ZNF518B: variants seen among roughly 807,000 people sequenced by gnomAD.
The protein encoded by ZNF518B is zinc finger protein 518B.
Under a neutral mutation model 56.3 loss-of-function variants are expected in ZNF518B, and 23 were observed. That is an observed-to-expected ratio of 0.41 (90% CI 0.29 to 0.58). The LOEUF is 0.58. ZNF518B is among the 20% of genes least tolerant of loss of function. ZNF518B has a pLI of 0.32. For missense variants in ZNF518B, 1,460 were observed against 1,272.1 expected, an observed-to-expected ratio of 1.15 and a Z score of -2.25; for synonymous variants, 529 against 465.9, an observed-to-expected ratio of 1.14 and a Z score of -1.74.
chr4:10,446,598 C>T (rs1017497672), intron 2 of ZNF518B, 59 bp from the exon 3 acceptor site: 2 of 359,476 alleles, frequency 5.6e-6, no homozygotes, highest in African/African-American at 4.1e-5. Flanking sequence ...AAGCTATTAA[C>T]AAACTTATCC....
At chr4:10,447,866 C>G (rs1407984386) in intron 2 of ZNF518B, among the ~76,000 whole-genome samples, 1 of 152,120 alleles carries the variant, frequency 6.6e-6, no homozygotes, top group Non-Finnish European at 1.5e-5. Context: ...CCAGGCTGGT[C>G]TTTAACCCCT....
chr4:10,446,563 G>T, intron 2 of ZNF518B, 24 bp from the exon 3 acceptor site: 1 of 462,228 alleles, frequency 2.2e-6, no homozygotes, highest in Non-Finnish European at 4.0e-6. Flanking sequence ...AAATTATAAA[G>T]CATGATTAAT....
At chr4:10,448,768 G>A (rs757601351) in intron 2 of ZNF518B, among the ~76,000 whole-genome samples, 6 of 152,020 alleles carry the variant, frequency 3.9e-5, no homozygotes, top group Non-Finnish European at 8.8e-5. Flanking sequence ...ACAATACATG[G>A]GCAAAGATAA....
Position 10,442,935 on chromosome 4 carries a change from C to T in ZNF518B, c.*169G>A. 3.3e-6 allele frequency: 2 copies of T among 601,636 alleles called. No homozygotes were observed. Among genetic ancestry groups the T allele is most frequent in the South Asian group, 2.6e-5 (1 of 38,228 alleles). The allele number at this position is 601,636 out of a possible 1,614,324, so 37.3% of individuals were successfully genotyped here. Reference sequence around the variant, plus strand: ...GAGCCTTCAAATACATTCTGGGGTCCAATCACATACTTCAGGTTCAGACTC... The same window carrying T: ...GAGCCTTCAAATACATTCTGGGGTCTAATCACATACTTCAGGTTCAGACTC... On this transcript the variant is annotated 3_prime_UTR_variant, in exon 3 of 3. Transcript: ENST00000326756.
At position 10,440,550 on chromosome 4, in the gene ZNF518B, T is replaced by A. The variant is rs1400246244; in HGVS notation, c.*2554A>T. 6.6e-6 allele frequency: 1 copy of A among 152,632 alleles called. No individual in the cohort carries two copies. The highest frequency in any genetic ancestry group is 1.5e-5 in the Non-Finnish European group (1 of 68,030). 9.5% of individuals were successfully genotyped at this position (152,632 alleles called of 1,614,324 possible). On this transcript the variant is annotated 3_prime_UTR_variant, in exon 3 of 3. Coordinates refer to ENST00000326756, the MANE Select transcript of ZNF518B (RefSeq NM_053042.3). ...TGTACCTACAGGTTAAGCTATCTTC[T>A]AAAGCTCTTTAGGGAGGACAGCTAC...
chr4:10,456,535 G>A (rs1715536766), intron 1 of ZNF518B, among the ~76,000 whole-genome samples: 1 of 152,124 alleles, frequency 6.6e-6, no homozygotes, highest in South Asian at 2.1e-4. Flanking sequence ...GCAGGACCTC[G>A]ATGGACGAGC....
chr4:10,458,539 G>A (rs1715641804), upstream of ZNF518B, among the ~76,000 whole-genome samples: 1 of 152,214 alleles, frequency 6.6e-6, no homozygotes, highest in African/African-American at 2.4e-5. Context: ...TAAAGTATCA[G>A]GAGCTGGGCA....
chr4:10,445,802 T>C lies in ZNF518B; in HGVS notation c.527A>G (p.Glu176Gly), dbSNP rs772004959. The C allele has an allele frequency of 1.2e-6, 2 of 1,614,226 alleles. No individual in the cohort carries two copies. Among genetic ancestry groups the C allele is most frequent in the East Asian group, 2.2e-5 (1 of 44,890 alleles). Reference sequence around the variant, plus strand: ...GTGTTTCACCAAATGCCTCTGAAACTCTCCTTTCGTATACGAAATGTAGCT... The same window carrying C: ...GTGTTTCACCAAATGCCTCTGAAACCCTCCTTTCGTATACGAAATGTAGCT... ...HCSYISYTKG[E>G]FQRHLVKHTG... Residue 176 changes from glutamate (E) to glycine (G), a missense_variant, in exon 3 of 3, where the codon GAG becomes GGG. Coordinates refer to ENST00000326756, the MANE Select transcript of ZNF518B (RefSeq NM_053042.3).
At chr4:10,454,355 G>GT (rs976847353) in intron 2 of ZNF518B, 2 of 152,272 alleles carry the variant, frequency 1.3e-5, no homozygotes, top group Non-Finnish European at 2.9e-5. Context: ...CTGGCATAGT[G>GT]TGAGTACAAT....
intron 2 of ZNF518B, chr4:10,453,348 T>A (rs914495678): frequency 6.6e-6 from 1 of 152,184 alleles, no homozygotes; most frequent in Non-Finnish European, 1.5e-5. Flanking sequence ...AAGGTCTGTA[T>A]CAACATGAGT....
At chr4:10,451,048 G>A (rs1715281481) in intron 2 of ZNF518B, 1 of 152,172 alleles carries the variant, frequency 6.6e-6, no homozygotes, top group Non-Finnish European at 1.5e-5. Flanking sequence ...TCACAGATGT[G>A]CTCTCTGGAC....
At chr4:10,459,447 G>C (rs74795309), upstream of ZNF518B, among the ~76,000 whole-genome samples, 2 of 151,944 alleles carry the variant, frequency 1.3e-5, no homozygotes, top group Non-Finnish European at 2.9e-5. Flanking sequence ...CCTAAATTCC[G>C]TGGATCACTT....
chr4:10,444,547 CTT>C lies in ZNF518B; in HGVS notation c.1780_1781del (p.Lys594GlufsTer2). ...STVGQISSQH[K>X]SEYLHINITG... is the part of the protein sequence containing the mutation. Reference sequence around the variant, plus strand: ...TTATGTTTATATGTAAATACTCACTCTTATGTTGAGAGGAAATCTGGCCTACA... The same window carrying C: ...TTATGTTTATATGTAAATACTCACTCATGTTGAGAGGAAATCTGGCCTACA... On this transcript the variant is annotated frameshift_variant, in exon 3 of 3. Transcript: ENST00000326756. LOFTEE classifies it high-confidence loss of function. 6.2e-7 allele frequency: 1 copy of C among 1,614,138 alleles called. No homozygotes were observed. The highest frequency in any genetic ancestry group is 8.5e-7 in the Non-Finnish European group (1 of 1,180,022).
intron 2 of ZNF518B, among the ~76,000 whole-genome samples, chr4:10,450,201 T>C (rs1715243701): frequency 1.3e-5 from 2 of 152,176 alleles, no homozygotes; most frequent in African/African-American, 4.8e-5. Context: ...ATATGAAGCA[T>C]GCAGCCATGA....
At chr4:10,455,943 T>G (rs949370332) in intron 1 of ZNF518B, among the ~76,000 whole-genome samples, 2 of 152,214 alleles carry the variant, frequency 1.3e-5, no homozygotes, top group African/African-American at 4.8e-5. Context: ...TTCTGAACCC[T>G]TGGCTGTGTA....
rs1451260008 is a variant in ZNF518B at position 10,444,746 on chromosome 4, A to G, written c.1583T>C (p.Leu528Pro). ...GGTTGCAGGTGATGCAGCAAATGGG[A>G]GTAACTGCTGTGAGCTACTGTGTAA... ...RNLHSSSQQL[L>P]PFAASPATCS... Residue 528 changes from leucine to proline, a missense_variant, in exon 3 of 3, where the codon CTC becomes CCC. By Grantham distance (98) the Leu-to-Pro change is moderately conservative (BLOSUM62 -3). Transcript: ENST00000326756. 1 of 1,613,978 alleles carries G rather than the reference A, an allele frequency of 6.2e-7. No individual in the cohort carries two copies. The highest frequency in any genetic ancestry group is 8.5e-7 in the Non-Finnish European group (1 of 1,179,906).
upstream of ZNF518B, among the ~76,000 whole-genome samples, chr4:10,457,826 C>A (rs1715616986): frequency 6.6e-6 from 1 of 152,202 alleles, no homozygotes; most frequent in Admixed American, 6.5e-5. Context: ...TCTTGGAGAG[C>A]TTCAGTGAAG....
rs978402422 is a variant in ZNF518B, at chr4:10,442,151, T to C, written c.*953A>G. On this transcript the variant is annotated 3_prime_UTR_variant, in exon 3 of 3. Transcript: ENST00000326756. ...GAAGAGAGAAGACAGCATCCACCCA[T>C]GGTCTTTGGATGAATCCCAAATGAA... is the stretch of plus-strand genomic sequence containing the variant. The C allele has an allele frequency of 5.9e-5, 9 of 152,206 alleles. No individual in the cohort carries two copies. The highest frequency in any genetic ancestry group is 5.2e-4 in the Admixed American group (8 of 15,272). 9.4% of individuals were successfully genotyped at this position (152,206 alleles called of 1,614,324 possible). A position where few individuals can be genotyped will look rare whatever the true frequency, so the allele number is the denominator to read the frequency against.
At chr4:10,458,338 TGGAGGC>T (rs1442138634), upstream of ZNF518B, among the ~76,000 whole-genome samples, 1 of 149,492 alleles carries the variant, frequency 6.7e-6, no homozygotes, top group East Asian at 2.0e-4. Flanking sequence ...TTCAAAGCTC[TGGAGGC>T]GGGGGCGGGG....
Sources: gnomAD v4.1 joint callset for allele counts (sites outside exome capture counted in the v4.1 genomes callset) on GRCh38, gnomAD v4.1.1 for gene constraint, MANE v1.5 for transcripts, NCBI Gene and HGNC (gene_info 2026-07-23, HGNC 2026-07-21) for gene names.